The following SRPK1 variants were observed in gnomAD, a reference collection of about 807,000 sequenced individuals.
SRPK1 encodes SFRS protein kinase 1.
SRPK1 carries 52 observed loss-of-function variants against 89.5 expected under a neutral mutation model. The ratio of observed to expected loss-of-function variants is 0.58; its 90% confidence interval spans 0.46 to 0.73. The LOEUF (loss-of-function observed/expected upper bound fraction) is 0.73. Ranked by LOEUF, SRPK1 falls within the 30% of genes least tolerant of loss-of-function variation. SRPK1 has a pLI of 0.00. For synonymous variants in SRPK1, 255 were observed against 270.2 expected, an observed-to-expected ratio of 0.94 and a Z score of 0.55; for missense variants, 603 against 780.6, an observed-to-expected ratio of 0.77 and a Z score of 2.71.
intron 2 of SRPK1, among the ~76,000 whole-genome samples, chr6:35,899,024 G>A (rs1770685754): frequency 6.6e-6 from 1 of 152,158 alleles, no homozygotes; most frequent in African/African-American, 2.4e-5. Flanking sequence ...AGCTGGGCAT[G>A]GTGGCGCGTG....
At chr6:35,872,222 T>C (rs376749681) in intron 8 of SRPK1, among the ~76,000 whole-genome samples, 42 of 152,340 alleles carry the variant, frequency 2.8e-4, no homozygotes, top group African/African-American at 9.9e-4. Context: ...AAACTATTAA[T>C]AGCAATGTTA....
intron 1 of SRPK1, 124 bp downstream of exon 1, chr6:35,920,920 T>C: frequency 2.0e-5 from 20 of 997,666 alleles, no homozygotes; most frequent in East Asian, 3.8e-5. Context: ...CGGCGCCACC[T>C]CAGTGGAGGG....
intron 5 of SRPK1, among the ~76,000 whole-genome samples, chr6:35,887,026 T>TA (rs1026593087): frequency 1.3e-5 from 2 of 152,226 alleles, no homozygotes; most frequent in African/African-American, 2.4e-5. Context: ...TTTTTCTAAT[T>TA]AAACTATTTT....
chr6:35,919,636 A>G (rs1771184948), intron 2 of SRPK1, among the ~76,000 whole-genome samples: 1 of 152,242 alleles, frequency 6.6e-6, no homozygotes, highest in Non-Finnish European at 1.5e-5. Flanking sequence ...CTTAAGGCTT[A>G]GCCTCACTTG....
chr6:35,903,173 T>C (rs935576864), intron 2 of SRPK1, among the ~76,000 whole-genome samples: 3 of 151,362 alleles, frequency 2.0e-5, no homozygotes, highest in African/African-American at 7.3e-5. Flanking sequence ...ACAAGGTACA[T>C]TGATAATCAG....
intron 3 of SRPK1, among the ~76,000 whole-genome samples, chr6:35,890,629 T>C (rs1251948080): frequency 6.6e-6 from 1 of 152,262 alleles, no homozygotes; most frequent in African/African-American, 2.4e-5. Flanking sequence ...TCTTTTACTT[T>C]CTTTTCTGTT....
In SRPK1 at chr6:35,872,544, T is replaced by C. The variant is rs1056588806; in HGVS notation, c.751+19A>G. On this transcript the variant is annotated intron_variant, in intron 8 of 15. Transcript: ENST00000373825. ...TTTTTAACTTCTAATGATAGCGAAG[T>C]CCCTAAAAGAAAATACACCTGCAGA... 9.6e-5 allele frequency: 150 copies of C among 1,560,926 alleles called. No homozygotes were observed. Among genetic ancestry groups the C allele is most frequent in the Non-Finnish European group, 1.3e-4 (148 of 1,159,164 alleles).
At chr6:35,848,191 A>G (rs1296142891) in intron 13 of SRPK1, among the ~76,000 whole-genome samples, 1 of 152,218 alleles carries the variant, frequency 6.6e-6, no homozygotes, top group African/African-American at 2.4e-5. Context: ...TTTCATAGAA[A>G]TAGAAAAAAC....
At chr6:35,882,128 T>TAGTAGTAGTAGC (rs1770308331) in intron 6 of SRPK1, among the ~76,000 whole-genome samples, 1 of 137,538 alleles carries the variant, frequency 7.3e-6, no homozygotes, top group African/African-American at 3.1e-5. Flanking sequence ...CTAGTAGTAG[T>TAGTAGTAGTAGC]AGTAGTAGTA....
chr6:35,869,859 C>T lies in SRPK1; in HGVS notation c.1034G>A (p.Arg345His), dbSNP rs1229651203. The change falls in exon 11 of 16, where the codon CGT becomes CAT. Residue 345 changes from arginine to histidine, a missense_variant. Physicochemically the swap from Arg to His is conservative, Grantham distance 29. Transcript: ENST00000373825. ...TTCTGCTGCACCACCCTCTGTATCACGTTCCATAAGCGTTTGATCCTGGCC... is the reference window on the plus strand; with the variant it reads ...TTCTGCTGCACCACCCTCTGTATCATGTTCCATAAGCGTTTGATCCTGGCC... Reference protein sequence around the residue: ...TIGQDQTLMERDTEGGAAEIN... With the variant: ...TIGQDQTLMEHDTEGGAAEIN... 15 of 1,599,628 alleles carry T rather than the reference C, an allele frequency of 9.4e-6. No homozygotes were observed. The highest frequency in any genetic ancestry group is 1.1e-5 in the Non-Finnish European group (13 of 1,173,202).
intron 14 of SRPK1, among the ~76,000 whole-genome samples, chr6:35,840,393 C>A (rs1377839679): frequency 1.3e-5 from 2 of 152,104 alleles, no homozygotes; most frequent in Non-Finnish European, 2.9e-5. Context: ...CAAGAATTTT[C>A]TGCTGGTTTT....
chr6:35,889,025 T>C (rs999712185), intron 3 of SRPK1, 102 bp from the exon 4 acceptor site: 1 of 705,384 alleles, frequency 1.4e-6, no homozygotes, highest in South Asian at 1.8e-5. Flanking sequence ...ATATACCTTT[T>C]ATCAATAAAA....
intron 2 of SRPK1, 24 bp downstream of exon 2, chr6:35,920,444 G>A: frequency 6.2e-7 from 1 of 1,611,414 alleles, no homozygotes; most frequent in Non-Finnish European, 8.5e-7. Context: ...TCCAAAGAAT[G>A]GGATGTTGGG....
chr6:35,875,164 AAC>A (rs994298554), intron 6 of SRPK1, among the ~76,000 whole-genome samples: 26 of 152,334 alleles, frequency 1.7e-4, no homozygotes, highest in African/African-American at 5.8e-4. Context: ...GTAAACTTGG[AAC>A]ACCTTGCTGT....
chr6:35,874,183 A>C (rs929221850), intron 7 of SRPK1, 50 bp downstream of exon 7: 1 of 1,430,196 alleles, frequency 7.0e-7, no homozygotes, highest in Non-Finnish European at 9.7e-7. Flanking sequence ...GAATATTAAA[A>C]AATCACTACA....
chr6:35,886,110 G>A (rs1770404146), intron 6 of SRPK1, among the ~76,000 whole-genome samples: 2 of 144,470 alleles, frequency 1.4e-5, no homozygotes, highest in Non-Finnish European at 3.0e-5. Flanking sequence ...GACAGAGTCT[G>A]GCTCTGTCCC....
At chr6:35,886,412 T>G (rs1770410936) in intron 6 of SRPK1, among the ~76,000 whole-genome samples, 1 of 152,202 alleles carries the variant, frequency 6.6e-6, no homozygotes, top group Non-Finnish European at 1.5e-5. Context: ...ATTACTTCCC[T>G]TAAAGTTTCT....
At chr6:35,887,396 G>A (rs1395287979) in intron 5 of SRPK1, among the ~76,000 whole-genome samples, 1 of 152,048 alleles carries the variant, frequency 6.6e-6, no homozygotes, top group East Asian at 1.9e-4. Flanking sequence ...AAATCTCCTG[G>A]TGCAACATTC....
intron 3 of SRPK1, among the ~76,000 whole-genome samples, chr6:35,890,228 A>C (rs1009035499): frequency 7.9e-5 from 12 of 152,224 alleles, no homozygotes; most frequent in African/African-American, 2.9e-4. Flanking sequence ...GTGCCACAGC[A>C]CTCCAGCCTG....
Sources: allele counts gnomAD v4.1 joint callset (sites outside exome capture counted in the v4.1 genomes callset), GRCh38; gene constraint gnomAD v4.1.1; transcripts MANE v1.5; gene names NCBI Gene and HGNC (gene_info 2026-07-23, HGNC 2026-07-21).